MYOF: variants seen among roughly 807,000 people sequenced by gnomAD.
MYOF encodes fer-1-like 3, myoferlin.
MYOF carries 244 observed loss-of-function variants against 284.2 expected under a neutral mutation model. The ratio of observed to expected loss-of-function variants is 0.86; its 90% CI spans 0.77 to 0.95. The LOEUF (loss-of-function observed/expected upper bound fraction) is 0.95. Among genes scored for constraint, MYOF ranks in the 40% least tolerant of loss-of-function variants. MYOF has a pLI of 0.00. For synonymous variants in MYOF, 904 were observed against 919.7 expected, an observed-to-expected ratio of 0.98 and a Z score of 0.31; for missense variants, 2,496 against 2,560.6, an observed-to-expected ratio of 0.97 and a Z score of 0.54.
Position 93,387,852 on chromosome 10 carries a change from G to T in MYOF, c.1643C>A (p.Thr548Lys), listed in dbSNP as rs117595198. 1 of 1,614,076 alleles carries T rather than the reference G, an allele frequency of 6.2e-7. No homozygotes were observed. Among genetic ancestry groups the T allele is most frequent in the South Asian group, 1.1e-5 (1 of 91,070 alleles). Residue 548 changes from threonine to lysine, a missense_variant, in exon 19 of 54, where the codon ACA becomes AAA. By Grantham distance (78) the Thr-to-Lys change is moderately conservative. Transcript: ENST00000359263. ...LVELATFLEK[T>K]PPDKKLEPIS... is the part of the protein sequence containing the mutation. Reference sequence around the variant, plus strand: ...GGGCTCAAGCTTTTTATCTGGTGGTGTCTTCTCAAGAAAAGTGGCTAATTC... The same window carrying T: ...GGGCTCAAGCTTTTTATCTGGTGGTTTCTTCTCAAGAAAAGTGGCTAATTC...
intron 49 of MYOF, 96 bp downstream of exon 49, chr10:93,319,776 A>T: frequency 6.6e-7 from 1 of 1,524,902 alleles, no homozygotes; most frequent in Non-Finnish European, 9.0e-7. Context: ...GGACTCAGTG[A>T]CCTCCGAGAT....
At position 93,370,866 on chromosome 10, in the gene MYOF, A is replaced by ATT. The variant is rs34306733; in HGVS notation, c.2458-1092_2458-1091dup. Among the ~76,000 whole-genome samples, 14 of 150,902 alleles carry ATT rather than the reference A, an allele frequency of 9.3e-5. 1 individual carries two copies. Among genetic ancestry groups the ATT allele is most frequent in the South Asian group, 6.3e-4 (3 of 4,772 alleles). On this transcript the variant is annotated intron_variant, in intron 24 of 53. Coordinates refer to ENST00000359263, the MANE Select transcript of MYOF (RefSeq NM_013451.4). ...ATTCCAATTTGAGTATGGGGCAAGG[A>ATT]TTTTTTTTTTAAACATAAACAAAGT...
chr10:93,322,012 AAAT>A (rs1224888971), intron 48 of MYOF, among the ~76,000 whole-genome samples: 2 of 152,180 alleles, frequency 1.3e-5, no homozygotes, highest in African/African-American at 2.4e-5. Flanking sequence ...AAAAAAAAAA[AAAT>A]AATGCTTATG....
intron 51 of MYOF, among the ~76,000 whole-genome samples, chr10:93,312,698 A>T (rs1347490364): frequency 1.3e-5 from 2 of 151,894 alleles, no homozygotes; most frequent in Admixed American, 1.3e-4. Flanking sequence ...TTTCCATACG[A>T]AATTGTACTA....
intron 25 of MYOF, 33 bp from the exon 26 acceptor site, chr10:93,366,588 C>T (rs935461335): frequency 1.3e-6 from 2 of 1,539,858 alleles, no homozygotes; most frequent in Non-Finnish European, 8.8e-7. Flanking sequence ...GGAGAAACAC[C>T]ATCAGAGAGC....
intron 1 of MYOF, among the ~76,000 whole-genome samples, chr10:93,468,450 A>G (rs1372955903): frequency 1.3e-5 from 2 of 152,256 alleles, no homozygotes; most frequent in Non-Finnish European, 2.9e-5. Flanking sequence ...AGAACTATCA[A>G]CTGCTTCCTT....
At chr10:93,307,063 G>T in intron 53 of MYOF, 62 bp from the exon 54 acceptor site, 1 of 1,466,458 alleles carries the variant, frequency 6.8e-7, no homozygotes, top group Non-Finnish European at 9.4e-7. Context: ...TTCAGTTAGG[G>T]TTTCTCAATC....
At chr10:93,383,085 G>A (rs934991634) in intron 19 of MYOF, among the ~76,000 whole-genome samples, 3 of 151,982 alleles carry the variant, frequency 2.0e-5, no homozygotes, top group Non-Finnish European at 4.4e-5. Context: ...TAGTAGACAC[G>A]GGGTTTTACC....
intron 23 of MYOF, among the ~76,000 whole-genome samples, chr10:93,374,087 C>T (rs1366444632): frequency 1.3e-5 from 2 of 152,136 alleles, no homozygotes; most frequent in Non-Finnish European, 1.5e-5. Context: ...GTTCAGTTCC[C>T]ACCTATGAGT....
At chr10:93,368,957 A>C (rs1287028802) in intron 25 of MYOF, among the ~76,000 whole-genome samples, 1 of 152,190 alleles carries the variant, frequency 6.6e-6, no homozygotes, top group Admixed American at 6.5e-5. Flanking sequence ...AAATAGCATA[A>C]AAAATCAAAA....
chr10:93,314,825 G>T (rs1842546211), intron 50 of MYOF, among the ~76,000 whole-genome samples: 1 of 152,168 alleles, frequency 6.6e-6, no homozygotes, highest in South Asian at 2.1e-4. Flanking sequence ...GAGGTGGGCA[G>T]ATTACTTGAG....
At chr10:93,475,404 C>CT (rs2057237903) in intron 1 of MYOF, among the ~76,000 whole-genome samples, 1 of 152,154 alleles carries the variant, frequency 6.6e-6, no homozygotes, top group African/African-American at 2.4e-5. Flanking sequence ...TGCAAAATGT[C>CT]TTATACACCA....
At chr10:93,370,879 A>G (rs897720407) in intron 24 of MYOF, among the ~76,000 whole-genome samples, 3 of 152,128 alleles carry the variant, frequency 2.0e-5, no homozygotes, top group Non-Finnish European at 4.4e-5. Context: ...TTTTTTTTAA[A>G]CATAAACAAA....
At chr10:93,426,775 G>A (rs914729666) in intron 4 of MYOF, among the ~76,000 whole-genome samples, 2 of 151,950 alleles carry the variant, frequency 1.3e-5, no homozygotes, top group African/African-American at 4.8e-5. Flanking sequence ...TGTAATCCCA[G>A]CTACTCAGAG....
At chr10:93,366,964 T>C (rs901956029) in intron 25 of MYOF, among the ~76,000 whole-genome samples, 1 of 152,322 alleles carries the variant, frequency 6.6e-6, no homozygotes, top group South Asian at 2.1e-4. Flanking sequence ...AATGAGCAGA[T>C]TTTATAAAAT....
rs1258541596 is a variant in MYOF, at chr10:93,333,245, T to C, written c.4787A>G (p.Asn1596Ser). Residue 1596 changes from asparagine to serine, a missense_variant, in exon 43 of 54, where the codon AAC (asparagine) becomes AGC (serine). Transcript: ENST00000359263. ...CCTGCCAAAGACTGGGTTGAGAGTG[T>C]TGGGAATGTAGTGATCTCGGTCTTC... ...VIEDRDHYIP[N>S]TLNPVFGRMY... 2 of 1,614,146 alleles carry C rather than the reference T, an allele frequency of 1.2e-6. No homozygotes were observed. The highest frequency in any genetic ancestry group is 3.3e-5 in the Admixed American group (2 of 60,028).
chr10:93,423,913 A>C (rs1271806447), intron 5 of MYOF, among the ~76,000 whole-genome samples: 1 of 152,054 alleles, frequency 6.6e-6, no homozygotes, highest in Non-Finnish European at 1.5e-5. Context: ...GCTATATCCT[A>C]GAGGGGAAAA....
intron 48 of MYOF, among the ~76,000 whole-genome samples, chr10:93,322,636 C>T (rs73315559): frequency 0.045 from 6,815 of 152,216 alleles, 527 homozygotes; most frequent in African/African-American, 0.16. Context: ...TTGAAATCTG[C>T]GAACATTTCC....
chr10:93,385,025 G>C (rs1379016203), intron 19 of MYOF, among the ~76,000 whole-genome samples: 1 of 152,168 alleles, frequency 6.6e-6, no homozygotes, highest in Non-Finnish European at 1.5e-5. Context: ...CCTTAATGTG[G>C]GCCAGACCAA....
Sources: gnomAD v4.1 joint callset for allele counts (sites outside exome capture counted in the v4.1 genomes callset) on GRCh38, gnomAD v4.1.1 for gene constraint, MANE v1.5 for transcripts, NCBI Gene and HGNC (gene_info 2026-07-23, HGNC 2026-07-21) for gene names.